Variants in SYNE2 observed in about 807,000 individuals in gnomAD.
SYNE2 encodes the protein spectrin repeat containing nuclear envelope protein 2, also known as nesprin-2.
A neutral mutation model predicts 856.3 loss-of-function variants in SYNE2; 431 were observed. That is an observed-to-expected ratio of 0.50 (90% CI 0.47 to 0.55). The LOEUF is 0.55. Among genes scored for constraint, SYNE2 ranks in the 20% least tolerant of loss-of-function variants. The probability of loss-of-function intolerance (pLI) is 0.00; values close to 1 mark genes in which losing one functional copy is unlikely to be tolerated. For missense variants in SYNE2, 8,129 were observed against 8,023.2 expected (o/e 1.01, Z -0.50); for synonymous variants, 2,923 against 2,872.3 (o/e 1.02, Z -0.56).
intron 1 of SYNE2, among the ~76,000 whole-genome samples, chr14:63,841,306 T>G (rs1482253876): frequency 6.6e-6 from 1 of 152,062 alleles, no homozygotes; most frequent in Non-Finnish European, 1.5e-5. Flanking sequence ...TGTGAGCCCC[T>G]AAAAAAGCAA....
At chr14:63,952,783 T>TC (rs1200200587) in intron 7 of SYNE2, among the ~76,000 whole-genome samples, 1 of 152,262 alleles carries the variant, frequency 6.6e-6, no homozygotes, top group African/African-American at 2.4e-5. Flanking sequence ...AAGCTTTTTT[T>TC]CCCGTAAGTA....
chr14:64,052,634 G>A lies in SYNE2; in HGVS notation c.8721G>A (p.Val2907=). ...CAAACATCTATGAGGAGCTGAATGTGTTTGAAAGATTATTTCTGGAAGATC... is the reference window on the plus strand; with the variant it reads ...CAAACATCTATGAGGAGCTGAATGTATTTGAAAGATTATTTCTGGAAGATC... ...ELTNIYEELN[V]FERLFLEDQL... is the part of the protein sequence containing the mutation. The change falls in exon 48 of 116, where the codon GTG becomes GTA. Residue 2907 remains valine, a synonymous_variant. Transcript: ENST00000555002. 3.1e-6 allele frequency: 5 copies of A among 1,614,052 alleles called. No individual in the cohort carries two copies. Among genetic ancestry groups the A allele is most frequent in the Non-Finnish European group, 3.4e-6 (4 of 1,180,002 alleles).
intron 22 of SYNE2, among the ~76,000 whole-genome samples, 160 bp downstream of exon 22, chr14:63,994,129 G>A (rs917760235): frequency 2.6e-5 from 4 of 152,086 alleles, no homozygotes; most frequent in Non-Finnish European, 5.9e-5. Context: ...GTTTCATAGC[G>A]GAATAGGTCT....
At chr14:63,983,670 G>A (rs556023407) in intron 17 of SYNE2, 67 bp from the exon 18 acceptor site, 11 of 1,323,674 alleles carry the variant, frequency 8.3e-6, no homozygotes, top group Non-Finnish European at 1.1e-5. Flanking sequence ...TCCACTTACT[G>A]TTTGTAATGT....
chr14:63,820,093 T>G (rs1247949190), intron 1 of SYNE2, among the ~76,000 whole-genome samples: 2 of 152,018 alleles, frequency 1.3e-5, no homozygotes, highest in East Asian at 1.9e-4. Flanking sequence ...GACCATAACA[T>G]TTATATGGAA....
At chr14:63,866,942 C>T (rs200621523) in intron 1 of SYNE2, among the ~76,000 whole-genome samples, 2 of 152,108 alleles carry the variant, frequency 1.3e-5, no homozygotes, top group Non-Finnish European at 2.9e-5. Flanking sequence ...GGCAATAGAG[C>T]GAGACCCTCT....
At position 64,065,761 on chromosome 14, in the gene SYNE2, T is replaced by C. The variant is rs191322603; in HGVS notation, c.10431+111T>C. ...ACGAGTCCTTAGCCTATACCATTTG[T>C]GCACATCACTTATACATGATACATA... On this transcript the variant is annotated intron_variant, in intron 51 of 115. Coordinates refer to ENST00000555002, the MANE Select transcript of SYNE2 (RefSeq NM_182914.3). 9 of 1,164,806 alleles carry C rather than the reference T, an allele frequency of 7.7e-6. No individual in the cohort carries two copies. The Admixed American group carries it at 9.9e-5, about 13-fold the overall frequency. 72.2% of individuals were successfully genotyped at this position (1,164,806 alleles called of 1,614,324 possible).
Position 64,177,393 on chromosome 14 carries a change from G to T in SYNE2, c.17466G>T (p.Leu5822Phe), listed in dbSNP as rs779160799. ...WDQCEKKIKELKSRLQVLKAQ... is the reference protein window; with the variant it reads ...WDQCEKKIKEFKSRLQVLKAQ... ...AGTGTGAAAAGAAAATCAAGGAGTTGAAAAGCAGGCTGCAAGTTTTAAAGG... is the reference window on the plus strand; with the variant it reads ...AGTGTGAAAAGAAAATCAAGGAGTTTAAAAGCAGGCTGCAAGTTTTAAAGG... Residue 5822 changes from leucine to phenylalanine, a missense_variant, in exon 96 of 116, where the codon TTG (leucine) becomes TTT (phenylalanine). This residue lies in a region of SYNE2 where 5,410 missense variants were observed against 5,284.8 expected (regional missense o/e 1.02). Transcript: ENST00000555002. 6.2e-7 allele frequency: 1 copy of T among 1,614,014 alleles called. No individual in the cohort carries two copies. Among genetic ancestry groups the T allele is most frequent in the African/African-American group, 1.3e-5 (1 of 74,916 alleles).
chr14:63,997,457 C>A, intron 25 of SYNE2, 66 bp downstream of exon 25: 1 of 1,245,198 alleles, frequency 8.0e-7, no homozygotes, highest in Non-Finnish European at 1.2e-6. Flanking sequence ...TACAATAATT[C>A]ACTTCTCATT....
rs552694030 is a variant in SYNE2 at position 64,037,265 on chromosome 14, G to A, written c.7221+5908G>A. Among the ~76,000 whole-genome samples, 184 of 151,802 alleles carry A rather than the reference G, an allele frequency of 1.2e-3. 1 individual carries two copies. Among genetic ancestry groups the A allele is most frequent in the East Asian group, 0.011 (58 of 5,168 alleles). On this transcript the variant is annotated intron_variant, in intron 45 of 115. Transcript: ENST00000555002. The stretch of plus-strand genomic sequence containing the variant: ...ACAAAGGTCTCTGGTTTTCCTAGGC[G>A]GAGGACCCTGCGGCCTTCCGCAGTG...
chr14:64,106,565 C>T lies in SYNE2; in HGVS notation c.12493-926C>T, dbSNP rs1480117440. Among the ~76,000 whole-genome samples the T allele has an allele frequency of 6.6e-5, 10 of 152,266 alleles. No homozygotes were observed. In the South Asian group the frequency reaches 1.2e-3, roughly 19 times the overall value. ...TCGGGAGGCTGAGGCAGGAGAAGGG[C>T]GTGAACCCAGGAGGCGGAGCTTGTG... On this transcript the variant is annotated intron_variant, in intron 64 of 115. Coordinates refer to ENST00000555002, the MANE Select transcript of SYNE2 (RefSeq NM_182914.3).
chr14:63,902,945 T>C (rs1011746700), intron 1 of SYNE2, among the ~76,000 whole-genome samples: 17 of 152,160 alleles, frequency 1.1e-4, no homozygotes, highest in Non-Finnish European at 2.4e-4. Context: ...TCCTAAGTGC[T>C]GGGATTACAG....
At chr14:63,801,272 G>A (rs1888116282) in intron 1 of SYNE2, among the ~76,000 whole-genome samples, 1 of 152,150 alleles carries the variant, frequency 6.6e-6, no homozygotes, top group Admixed American at 6.5e-5. Flanking sequence ...AGTGTATACT[G>A]CTTGGGTGAT....
At chr14:64,116,775 G>A (rs2097856583) in intron 66 of SYNE2, among the ~76,000 whole-genome samples, 1 of 152,126 alleles carries the variant, frequency 6.6e-6, no homozygotes, top group Admixed American at 6.5e-5. Context: ...AATAATTATA[G>A]AAGCATTGAT....
rs1416114862 is a variant in SYNE2 at position 64,209,981 on chromosome 14, G to C, written c.18580G>C (p.Glu6194Gln). 1 of 1,613,992 alleles carries C rather than the reference G, an allele frequency of 6.2e-7. No individual in the cohort carries two copies. Among genetic ancestry groups the C allele is most frequent in the East Asian group, 2.2e-5 (1 of 44,886 alleles). The stretch of plus-strand genomic sequence containing the variant: ...GATTCATGAGCGGCTCACTCAGCTG[G>C]AGCTCATCAACAAGCAGTACCGGCG... ...RQIHERLTQL[E>Q]LINKQYRRLA... is the part of the protein sequence containing the mutation. The change falls in exon 103 of 116, where the codon GAG becomes CAG. Residue 6194 changes from glutamate to glutamine, a missense_variant. Coordinates refer to ENST00000555002, the MANE Select transcript of SYNE2 (RefSeq NM_182914.3).
intron 2 of SYNE2, among the ~76,000 whole-genome samples, chr14:63,924,880 A>G (rs568009953): frequency 5.1e-5 from 6 of 117,198 alleles, no homozygotes; most frequent in South Asian, 5.6e-4. Flanking sequence ...CTCCAGTGCA[A>G]TGTTGAATGG....
chr14:64,064,113 A>G (rs2153590481), intron 50 of SYNE2, among the ~76,000 whole-genome samples: 1 of 152,198 alleles, frequency 6.6e-6, no homozygotes, highest in Admixed American at 6.6e-5. Flanking sequence ...GGGTGATGAA[A>G]TGAAGTGAGG....
chr14:63,833,748 A>C (rs7146469), intron 1 of SYNE2, among the ~76,000 whole-genome samples: 64,514 of 152,078 alleles, frequency 0.42, 15,447 homozygotes, highest in South Asian at 0.55. Flanking sequence ...AAAACTTAAT[A>C]ATTTTTGCAA....
chr14:64,015,049 A>G (rs931479750), intron 32 of SYNE2, among the ~76,000 whole-genome samples: 18 of 144,896 alleles, frequency 1.2e-4, no homozygotes, highest in Non-Finnish European at 2.1e-4. Context: ...ATATATGTAT[A>G]TATATAAATA....
Sources: gnomAD v4.1 joint callset for allele counts (sites outside exome capture counted in the v4.1 genomes callset) on GRCh38, gnomAD v4.1.1 for gene constraint, gnomAD v4.1.1 regional missense constraint, MANE v1.5 for transcripts, NCBI Gene and HGNC (gene_info 2026-07-23, HGNC 2026-07-21) for gene names.